The following GK5 variants were observed in gnomAD, a reference collection of about 807,000 sequenced individuals.
GK5 encodes the protein ATP:glycerol 3-phosphotransferase 5.
Under a neutral mutation model 77.3 loss-of-function variants are expected in GK5, and 39 were observed. The observed-to-expected ratio is 0.50, with a 90% confidence interval of 0.39 to 0.66. The LOEUF (loss-of-function observed/expected upper bound fraction) is 0.66. Among genes scored for constraint, GK5 ranks in the 30% least tolerant of loss-of-function variants. GK5 has a pLI of 0.00. For missense variants in GK5, 487 were observed against 633.8 expected (o/e 0.77, Z 2.49); for synonymous variants, 211 against 208.0 (o/e 1.01, Z -0.13).
In GK5 at chr3:142,158,733, C is replaced by A. The variant is rs965612661; in HGVS notation, c.*6889G>T. On this transcript the variant is annotated 3_prime_UTR_variant, in exon 16 of 16. Transcript: ENST00000392993. ...AGGAAAGTTTCTAATAACTTATTAA[C>A]AAAATCATTCTGAAACCTTTACACA... 9.8e-5 allele frequency: 15 copies of A among 152,476 alleles called. No homozygotes were observed. Among genetic ancestry groups the A allele is most frequent in the African/African-American group, 3.6e-4 (15 of 41,434 alleles). 9.4% of individuals were successfully genotyped at this position (152,476 alleles called of 1,614,324 possible).
chr3:142,213,680 A>C (rs1663947369), intron 2 of GK5, 79 bp from the exon 3 acceptor site: 3 of 879,106 alleles, frequency 3.4e-6, no homozygotes, highest in Non-Finnish European at 5.5e-6. Context: ...TAGAAAAAGA[A>C]ATCCAATATA....
At chr3:142,215,526 T>C (rs774832595) in intron 2 of GK5, 73 bp downstream of exon 2, 34 of 748,916 alleles carry the variant, frequency 4.5e-5, no homozygotes, top group Non-Finnish European at 7.3e-5. Context: ...AAACCACAAC[T>C]ACAGAAGCCT....
At position 142,163,036 on chromosome 3, in the gene GK5, A is replaced by C. The variant is rs1485235223; in HGVS notation, c.*2586T>G. 1 of 151,946 alleles carries C rather than the reference A, an allele frequency of 6.6e-6. No homozygotes were observed. The highest frequency in any genetic ancestry group is 1.9e-4 in the East Asian group (1 of 5,184). 9.4% of individuals were successfully genotyped at this position (151,946 alleles called of 1,614,324 possible). A position where few individuals can be genotyped will look rare whatever the true frequency, so the allele number is the denominator to read the frequency against. On this transcript the variant is annotated 3_prime_UTR_variant, in exon 16 of 16. Transcript: ENST00000392993. The stretch of plus-strand genomic sequence containing the variant: ...AAAGAAAGGACAATTTTGTTGCTCA[A>C]TTGATCTTATCAACTGTTTCTGCAA...
rs1259900745 is a variant in GK5 at position 142,225,350 on chromosome 3, A to C, written c.106T>G (p.Tyr36Asp). 1.9e-6 allele frequency: 3 copies of C among 1,572,286 alleles called. No individual in the cohort carries two copies. Among genetic ancestry groups the C allele is most frequent in the Non-Finnish European group, 2.6e-6 (3 of 1,160,176 alleles). ...CCGCAGACCCGCGCCGCCCGGTCATAGACGTGGCAGCGGATCACAGAACTG... is the reference window on the plus strand; with the variant it reads ...CCGCAGACCCGCGCCGCCCGGTCATCGACGTGGCAGCGGATCACAGAACTG... ...VGSSVIRCHV[Y>D]DRAARVCGSS... Residue 36 changes from tyrosine to aspartate, a missense_variant, in exon 1 of 16, where the codon TAT becomes GAT. Transcript: ENST00000392993.
At chr3:142,170,982 A>G (rs573404797) in intron 14 of GK5, among the ~76,000 whole-genome samples, 2 of 152,274 alleles carry the variant, frequency 1.3e-5, no homozygotes, top group Non-Finnish European at 2.9e-5. Context: ...TAATCCCAGC[A>G]CTGTGGGAGG....
intron 5 of GK5, among the ~76,000 whole-genome samples, chr3:142,195,232 G>A (rs1240978467): frequency 6.6e-6 from 1 of 151,730 alleles, no homozygotes; most frequent in Non-Finnish European, 1.5e-5. Context: ...TTTTTGAATG[G>A]TAAACCAATC....
In GK5 at chr3:142,160,288, C is replaced by T. The variant is rs954122908; in HGVS notation, c.*5334G>A. On this transcript the variant is annotated 3_prime_UTR_variant, in exon 16 of 16. Transcript: ENST00000392993. ...TACAGGTGTGAACCACCACGCTTAT[C>T]CTGGGGCTTTTAATTCTTACTGAAA... 6.6e-6 allele frequency: 1 copy of T among 152,188 alleles called. No homozygotes were observed. Among genetic ancestry groups the T allele is most frequent in the African/African-American group, 2.4e-5 (1 of 41,430 alleles). The allele number at this position is 152,188 out of a possible 1,614,324, so 9.4% of individuals were successfully genotyped here.
chr3:142,170,234 C>A lies in GK5; in HGVS notation c.1441+91G>T, dbSNP rs767355709. Reference sequence around the variant, plus strand: ...TTAATGGACGCCAAGGCTTTCCAGACTCTCTAGAATTTTGTAATTTGAGAG... The same window carrying A: ...TTAATGGACGCCAAGGCTTTCCAGAATCTCTAGAATTTTGTAATTTGAGAG... On this transcript the variant is annotated intron_variant, in intron 15 of 15. Transcript: ENST00000392993. 11 of 1,334,420 alleles carry A rather than the reference C, an allele frequency of 8.2e-6. No homozygotes were observed. In the South Asian group the frequency reaches 1.3e-4, roughly 16 times the overall value. 82.7% of individuals were successfully genotyped at this position (1,334,420 alleles called of 1,614,324 possible).
At chr3:142,195,330 G>A (rs891671557) in intron 5 of GK5, among the ~76,000 whole-genome samples, 1 of 151,928 alleles carries the variant, frequency 6.6e-6, no homozygotes, top group Non-Finnish European at 1.5e-5. Flanking sequence ...TTTTGTTGAA[G>A]TTTTGTGTGT....
At position 142,159,847 on chromosome 3, in the gene GK5, C is replaced by CTTTTTTTTTTTTTTTT. The variant is rs1407448771; in HGVS notation, c.*5774_*5775insAAAAAAAAAAAAAAAA. On this transcript the variant is annotated 3_prime_UTR_variant, in exon 16 of 16. Transcript: ENST00000392993. Reference sequence around the variant, plus strand: ...TGGGGCTTTCTCTCTCTCTCTCTCTCTCTCTCTTTTTTTTTTTTGAGACAG... The same window carrying CTTTTTTTTTTTTTTTT: ...TGGGGCTTTCTCTCTCTCTCTCTCTCTTTTTTTTTTTTTTTTTCTCTCTTTTTTTTTTTTGAGACAG... 4 of 103,216 alleles carry CTTTTTTTTTTTTTTTT rather than the reference C, an allele frequency of 3.9e-5. No homozygotes were observed. Among genetic ancestry groups the CTTTTTTTTTTTTTTTT allele is most frequent in the African/African-American group, 1.2e-4 (3 of 25,200 alleles). The allele number at this position is 103,216 out of a possible 1,614,324, so 6.4% of individuals were successfully genotyped here.
rs1290640144 is a variant in GK5, at chr3:142,194,399, G to A, written c.543+4403C>T. On this transcript the variant is annotated intron_variant, in intron 5 of 15. Coordinates refer to ENST00000392993, the MANE Select transcript of GK5 (RefSeq NM_001039547.3). ...AAGTTAGCTGGGCGTTGTGGCGCAC[G>A]CCTGTAGTCCCAACTACTTGGGAGG... Among the ~76,000 whole-genome samples, 8 of 152,018 alleles carry A rather than the reference G, an allele frequency of 5.3e-5. No homozygotes were observed. The South Asian group carries it at 1.0e-3, about 20-fold the overall frequency.
chr3:142,221,448 C>T (rs2064346053), intron 1 of GK5, among the ~76,000 whole-genome samples: 1 of 152,196 alleles, frequency 6.6e-6, no homozygotes, highest in South Asian at 2.1e-4. Flanking sequence ...CATCCCCAAA[C>T]AAGTTGCAGT....
At chr3:142,170,152 C>T (rs2063518579) in intron 15 of GK5, 173 bp downstream of exon 15, 1 of 746,672 alleles carries the variant, frequency 1.3e-6, no homozygotes, top group Non-Finnish European at 2.4e-6. Context: ...CAACCAGACT[C>T]ACCAACAGAG....
intron 5 of GK5, among the ~76,000 whole-genome samples, chr3:142,191,962 C>T (rs1399486999): frequency 6.6e-6 from 1 of 152,102 alleles, no homozygotes; most frequent in Non-Finnish European, 1.5e-5. Context: ...CATGCCACTG[C>T]ACCCCAGCCT....
rs1368051608 is a variant in GK5, at chr3:142,159,041, G to C, written c.*6581C>G. Reference sequence around the variant, plus strand: ...ACTGACTTTTAAAAACTTTAAAAAAGATATTTAAAGATATGGCTCATTAAG... The same window carrying C: ...ACTGACTTTTAAAAACTTTAAAAAACATATTTAAAGATATGGCTCATTAAG... On this transcript the variant is annotated 3_prime_UTR_variant, in exon 16 of 16. Coordinates refer to ENST00000392993, the MANE Select transcript of GK5 (RefSeq NM_001039547.3). 2 of 152,046 alleles carry C rather than the reference G, an allele frequency of 1.3e-5. No individual in the cohort carries two copies. The highest frequency in any genetic ancestry group is 3.9e-4 in the East Asian group (2 of 5,194). 9.4% of individuals were successfully genotyped at this position (152,046 alleles called of 1,614,324 possible).
chr3:142,196,347 G>T (rs1007844601), intron 5 of GK5, among the ~76,000 whole-genome samples: 9 of 151,522 alleles, frequency 5.9e-5, no homozygotes, highest in South Asian at 2.1e-4. Context: ...CCTTCTGCTT[G>T]TTTTGAATTT....
intron 12 of GK5, among the ~76,000 whole-genome samples, chr3:142,173,412 G>A (rs888010366): frequency 5.3e-5 from 8 of 150,112 alleles, no homozygotes; most frequent in African/African-American, 2.0e-4. Flanking sequence ...GGCCAGGCAG[G>A]GTGGCTCACA....
intron 5 of GK5, among the ~76,000 whole-genome samples, chr3:142,191,264 G>A (rs899421114): frequency 6.6e-5 from 10 of 151,868 alleles, no homozygotes; most frequent in African/African-American, 4.8e-5. Context: ...TCCTGACCTC[G>A]TGATCCGCCC....
rs1039350176 is a variant in GK5 at position 142,158,540 on chromosome 3, T to C, written c.*7082A>G. The stretch of plus-strand genomic sequence containing the variant: ...TACTGTGGATCCTTGATTTTTTGTA[T>C]AGATCTTAACAATGATTTATGAGGT... On this transcript the variant is annotated 3_prime_UTR_variant, in exon 16 of 16. Coordinates refer to ENST00000392993, the MANE Select transcript of GK5 (RefSeq NM_001039547.3). 6.6e-6 allele frequency: 1 copy of C among 152,654 alleles called. No homozygotes were observed. The highest frequency in any genetic ancestry group is 6.5e-5 in the Admixed American group (1 of 15,282). 9.5% of individuals were successfully genotyped at this position (152,654 alleles called of 1,614,324 possible). A position where few individuals can be genotyped will look rare whatever the true frequency, so the allele number is the denominator to read the frequency against.
Sources: gnomAD v4.1 joint callset for allele counts (sites outside exome capture counted in the v4.1 genomes callset) on GRCh38, gnomAD v4.1.1 for gene constraint, MANE v1.5 for transcripts, NCBI Gene and HGNC (gene_info 2026-07-23, HGNC 2026-07-21) for gene names.